VPS13C: variants seen among roughly 807,000 people sequenced by gnomAD.
VPS13C encodes the protein intermembrane lipid transfer protein VPS13C.
VPS13C carries 358 observed loss-of-function variants against 456.8 expected under a neutral mutation model. The ratio of observed to expected loss-of-function variants is 0.78; its 90% confidence interval spans 0.72 to 0.86. The LOEUF is 0.86. Among genes scored for constraint, VPS13C ranks in the 40% least tolerant of loss-of-function variants. VPS13C has a pLI of 0.00. For missense variants in VPS13C, 4,818 were observed against 4,385.4 expected (o/e 1.10, Z -2.79); for synonymous variants, 1,578 against 1,486.7 (o/e 1.06, Z -1.41).
Position 61,880,567 on chromosome 15 carries a change from C to A in VPS13C, c.10002+42G>T. ...TCCACAGACCCTTTAAAAAGTTCTA[C>A]AATAATTTCACTAAATTTTCAAAAT... On this transcript the variant is annotated intron_variant, in intron 73 of 84. Coordinates refer to ENST00000644861, the MANE Select transcript of VPS13C (RefSeq NM_020821.3). 2.2e-6 allele frequency: 3 copies of A among 1,382,284 alleles called. No homozygotes were observed. In the South Asian group the frequency reaches 4.0e-5, roughly 18 times the overall value. 85.6% of individuals were successfully genotyped at this position (1,382,284 alleles called of 1,614,324 possible).
At chr15:61,992,905 C>T (rs1394467524) in intron 16 of VPS13C, among the ~76,000 whole-genome samples, 1 of 151,768 alleles carries the variant, frequency 6.6e-6, no homozygotes, top group Non-Finnish European at 1.5e-5. Flanking sequence ...GTGATTCTAA[C>T]ATGCAGCCAA....
intron 80 of VPS13C, 111 bp from the exon 81 acceptor site, chr15:61,868,884 ATAGCT>A (rs931996318): frequency 1.1e-6 from 1 of 892,970 alleles, no homozygotes; most frequent in African/African-American, 1.7e-5. Flanking sequence ...GTAATTTTAA[ATAGCT>A]TTCCCCAAAT....
At position 61,961,758 on chromosome 15, in the gene VPS13C, C is replaced by T. The variant is rs2045215657; in HGVS notation, c.3739G>A (p.Ala1247Thr). 1 of 1,614,020 alleles carries T rather than the reference C, an allele frequency of 6.2e-7. No individual in the cohort carries two copies. The highest frequency in any genetic ancestry group is 1.3e-5 in the African/African-American group (1 of 75,018). The change falls in exon 35 of 85, where the codon GCA becomes ACA. Residue 1247 changes from alanine to threonine, a missense_variant. Physicochemically the swap from Ala to Thr is moderately conservative, Grantham distance 58. Around this residue, in one of 3 missense-constraint regions of VPS13C, gnomAD observed 4,552 missense variants for 4,130.6 expected, o/e 1.10. Coordinates refer to ENST00000644861, the MANE Select transcript of VPS13C (RefSeq NM_020821.3). ...FRVSINIDLK[A>T]PVIVIPQSSI... Reference sequence around the variant, plus strand: ...GACTGTGGGATGACTATAACCGGTGCTTTCAAATCAATATTGATGGAAACA... The same window carrying T: ...GACTGTGGGATGACTATAACCGGTGTTTTCAAATCAATATTGATGGAAACA...
At chr15:61,987,318 C>T (rs2046086021) in intron 18 of VPS13C, among the ~76,000 whole-genome samples, 1 of 151,960 alleles carries the variant, frequency 6.6e-6, no homozygotes, top group African/African-American at 2.4e-5. Flanking sequence ...AAAGACATAC[C>T]TGAGACTGGA....
At chr15:62,033,616 A>G (rs2047890883) in intron 4 of VPS13C, 74 bp from the exon 5 acceptor site, 3 of 1,069,228 alleles carry the variant, frequency 2.8e-6, no homozygotes, top group Non-Finnish European at 4.0e-6. Flanking sequence ...GTTCAGCCTC[A>G]TTAGGATTGT....
intron 47 of VPS13C, among the ~76,000 whole-genome samples, chr15:61,938,549 A>G (rs955492575): frequency 3.3e-5 from 5 of 152,216 alleles, no homozygotes; most frequent in African/African-American, 4.8e-5. Flanking sequence ...GGCCTCATCC[A>G]CTGTTGCTGC....
intron 9 of VPS13C, among the ~76,000 whole-genome samples, chr15:62,015,960 C>CAAAAAAAAAAAAAAAAAAAAAAAAATCA (rs67786303): frequency 1.4e-5 from 1 of 72,408 alleles, no homozygotes; most frequent in Non-Finnish European, 2.7e-5. Context: ...AAAAGAAGTC[C>CAAAAAAAAAAAAAAAAAAAAAAAAATCA]AAAAAAAAAA....
Position 61,915,761 on chromosome 15 carries a change from A to C in VPS13C, c.8317T>G (p.Trp2773Gly). ...ACCCGGGTAGTCTTGTTGATTAACC[A>C]ATAGGGACTAAAGACAGACAGCACC... Reference protein sequence around the residue: ...RMVLSVFSPYWLINKTTRVLQ... With the variant: ...RMVLSVFSPYGLINKTTRVLQ... Residue 2773 changes from tryptophan (W) to glycine (G), a missense_variant, in exon 61 of 85, where the codon TGG becomes GGG. Transcript: ENST00000644861. The C allele has an allele frequency of 6.2e-7, 1 of 1,614,156 alleles. No homozygotes were observed. Among genetic ancestry groups the C allele is most frequent in the Non-Finnish European group, 8.5e-7 (1 of 1,180,034 alleles).
chr15:61,973,905 G>T (rs2045628036), intron 25 of VPS13C, among the ~76,000 whole-genome samples: 1 of 152,038 alleles, frequency 6.6e-6, no homozygotes, highest in Non-Finnish European at 1.5e-5. Context: ...TCATTTCAAA[G>T]TAGAAATCCA....
rs923398515 is a variant in VPS13C, at chr15:62,057,187, G to C, written c.100+3088C>G. Among the ~76,000 whole-genome samples, 7 of 151,932 alleles carry C rather than the reference G, an allele frequency of 4.6e-5. No homozygotes were observed. In the East Asian group the frequency reaches 1.4e-3, roughly 29 times the overall value. On this transcript the variant is annotated intron_variant, in intron 1 of 84. Coordinates refer to ENST00000644861, the MANE Select transcript of VPS13C (RefSeq NM_020821.3). ...CAAGATGAATTCTTCCCTTTCTCAA[G>C]ACTTGAAAATTCAACAACAACAACA...
Position 61,920,061 on chromosome 15 carries a change from G to C in VPS13C, c.7477+6C>G. ...GATACCCTTAAGGAAAACAAATATAGCCTACCAATGGTCAGAGTGAAGAAG... is the reference window on the plus strand; with the variant it reads ...GATACCCTTAAGGAAAACAAATATACCCTACCAATGGTCAGAGTGAAGAAG... On this transcript the variant is annotated splice_donor_region_variant and intron_variant, in intron 57 of 84. Coordinates refer to ENST00000644861, the MANE Select transcript of VPS13C (RefSeq NM_020821.3). 1 of 1,584,124 alleles carries C rather than the reference G, an allele frequency of 6.3e-7. No individual in the cohort carries two copies. The highest frequency in any genetic ancestry group is 8.6e-7 in the Non-Finnish European group (1 of 1,161,080).
At chr15:61,907,989 T>C (rs1399098176) in intron 65 of VPS13C, among the ~76,000 whole-genome samples, 2 of 152,186 alleles carry the variant, frequency 1.3e-5, no homozygotes, top group Non-Finnish European at 2.9e-5. Context: ...ATGTTCACAC[T>C]GTTACTACAC....
intron 9 of VPS13C, among the ~76,000 whole-genome samples, chr15:62,015,036 T>A (rs1014519747): frequency 2.6e-5 from 4 of 152,130 alleles, no homozygotes; most frequent in African/African-American, 9.7e-5. Context: ...CCCATTCTTA[T>A]GCAATAGTAT....
At chr15:62,025,104 C>A (rs1377992606) in intron 6 of VPS13C, among the ~76,000 whole-genome samples, 1 of 152,046 alleles carries the variant, frequency 6.6e-6, no homozygotes, top group Non-Finnish European at 1.5e-5. Flanking sequence ...TAATCCTACA[C>A]CTGGGCACAA....
rs112824081 is a variant in VPS13C at position 61,965,283 on chromosome 15, G to A, written c.3052-422C>T. The stretch of plus-strand genomic sequence containing the variant: ...AGAAATGACTTCAAAGGTGGCATCC[G>A]TGAAATTTAAATATAAAAAGGACAA... On this transcript the variant is annotated intron_variant, in intron 30 of 84. Coordinates refer to ENST00000644861, the MANE Select transcript of VPS13C (RefSeq NM_020821.3). Among the ~76,000 whole-genome samples the A allele has an allele frequency of 2.0e-4, 31 of 151,996 alleles. No individual in the cohort carries two copies. The East Asian group carries it at 2.3e-3, about 11-fold the overall frequency.
intron 1 of VPS13C, among the ~76,000 whole-genome samples, chr15:62,059,585 T>C (rs1307193378): frequency 1.3e-5 from 2 of 152,224 alleles, no homozygotes; most frequent in Non-Finnish European, 2.9e-5. Context: ...ACCTAATTAA[T>C]GACGATGCTG....
intron 24 of VPS13C, among the ~76,000 whole-genome samples, chr15:61,976,578 T>C (rs1166418568): frequency 6.6e-6 from 1 of 152,014 alleles, no homozygotes; most frequent in South Asian, 2.1e-4. Flanking sequence ...ACCATGATGA[T>C]GGTTTCACGG....
At chr15:62,021,473 T>G in intron 8 of VPS13C, among the ~76,000 whole-genome samples, 1 of 151,910 alleles carries the variant, frequency 6.6e-6, no homozygotes. Flanking sequence ...CTTCAATATC[T>G]AAGTTGCAAT....
At chr15:62,010,424 T>A in intron 13 of VPS13C, 48 bp downstream of exon 13, 1 of 1,470,186 alleles carries the variant, frequency 6.8e-7, no homozygotes, top group Non-Finnish European at 9.0e-7. Flanking sequence ...ATAAAAGCAG[T>A]CAAGATTCAA....
Sources: allele counts gnomAD v4.1 joint callset (sites outside exome capture counted in the v4.1 genomes callset), GRCh38; gene constraint gnomAD v4.1.1; regional missense constraint gnomAD v4.1.1; transcripts MANE v1.5; gene names NCBI Gene and HGNC (gene_info 2026-07-23, HGNC 2026-07-21).